PSMB7: variants seen among roughly 807,000 people sequenced by gnomAD.
PSMB7 encodes proteasome 20S subunit beta 7.
Under a neutral mutation model 28.1 loss-of-function variants are expected in PSMB7, and 5 were observed. The observed-to-expected ratio is 0.18, with a 90% CI of 0.09 to 0.37. PSMB7 has a LOEUF of 0.37. Ranked by LOEUF, PSMB7 falls within the 10% of genes least tolerant of loss-of-function variation. PSMB7 has a pLI of 1.00. For missense variants in PSMB7, 275 were observed against 346.2 expected, an observed-to-expected ratio of 0.79 and a Z score of 1.63; for synonymous variants, 122 against 123.7, an observed-to-expected ratio of 0.99 and a Z score of 0.09.
intron 6 of PSMB7, among the ~76,000 whole-genome samples, chr9:124,379,765 A>G (rs1214134185): frequency 6.6e-6 from 1 of 152,150 alleles, no homozygotes. Flanking sequence ...CTGTGCCCCA[A>G]TACTGCACGC....
chr9:124,363,283 G>A lies in PSMB7; in HGVS notation c.571-6368C>T, dbSNP rs537840537. 2.6e-4 allele frequency among the ~76,000 whole-genome samples: 40 copies of A among 152,350 alleles called. 4 individuals are homozygous for A. Among genetic ancestry groups the A allele is most frequent in the South Asian group, 2.5e-3 (12 of 4,828 alleles). On this transcript the variant is annotated intron_variant, in intron 6 of 7. Transcript: ENST00000259457. ...AGAGGAGGAGGTCTGAACACGATGTGTTTGTTGGGGGCCTGCTGACAGGCT... is the reference window on the plus strand; with the variant it reads ...AGAGGAGGAGGTCTGAACACGATGTATTTGTTGGGGGCCTGCTGACAGGCT...
intron 5 of PSMB7, among the ~76,000 whole-genome samples, chr9:124,403,480 T>C (rs1173389982): frequency 1.3e-5 from 2 of 152,200 alleles, no homozygotes; most frequent in Admixed American, 1.3e-4. Context: ...GAGCTGTGAT[T>C]GCACCACTGT....
At chr9:124,383,444 A>C (rs1830688815) in intron 6 of PSMB7, among the ~76,000 whole-genome samples, 1 of 152,192 alleles carries the variant, frequency 6.6e-6, no homozygotes, top group African/African-American at 2.4e-5. Flanking sequence ...TAGGTATCGC[A>C]GTTTCCAGCA....
In PSMB7 at chr9:124,356,431, G is replaced by T. The variant is rs1830407784; in HGVS notation, c.722+333C>A. The stretch of plus-strand genomic sequence containing the variant: ...AAGTGCTGGGGCTGCCCTGAAAAAT[G>T]CACCTTCTCCCAGAAATCAGGGGAT... On this transcript the variant is annotated intron_variant, in intron 7 of 7. Transcript: ENST00000259457. The surrounding 1 kb of genome is among the most constrained non-coding windows in gnomAD (Gnocchi z 4.4). 6.6e-6 allele frequency among the ~76,000 whole-genome samples: 1 copy of T among 152,142 alleles called. No homozygotes were observed. The highest frequency in any genetic ancestry group is 2.1e-4 in the South Asian group (1 of 4,822).
chr9:124,356,953 A>C lies in PSMB7; in HGVS notation c.571-38T>G. Reference sequence around the variant, plus strand: ...ACGGCGGCAATAATGTCCCCGGCCAAACTAGGGCCTGCTCTGACATCCGCA... The same window carrying C: ...ACGGCGGCAATAATGTCCCCGGCCACACTAGGGCCTGCTCTGACATCCGCA... On this transcript the variant is annotated intron_variant, in intron 6 of 7. Transcript: ENST00000259457. This position sits in a 1 kb window ranked among gnomAD's most constrained non-coding sequence, Gnocchi z 4.4. The C allele has an allele frequency of 6.2e-7, 1 of 1,612,248 alleles. No individual in the cohort carries two copies. The highest frequency in any genetic ancestry group is 8.5e-7 in the Non-Finnish European group (1 of 1,178,698).
At chr9:124,414,214 G>C (rs1239316959) in intron 2 of PSMB7, among the ~76,000 whole-genome samples, 1 of 152,192 alleles carries the variant, frequency 6.6e-6, no homozygotes, top group African/African-American at 2.4e-5. Context: ...TCCTGAGTAG[G>C]TAAGAATTAT....
intron 6 of PSMB7, among the ~76,000 whole-genome samples, chr9:124,369,154 A>G (rs1588570082): frequency 6.6e-6 from 1 of 152,364 alleles, no homozygotes; most frequent in East Asian, 1.9e-4. Flanking sequence ...TATTCACTGC[A>G]AATATTTTTA....
chr9:124,374,782 C>A (rs1299023309), intron 6 of PSMB7, among the ~76,000 whole-genome samples: 1 of 152,058 alleles, frequency 6.6e-6, no homozygotes, highest in East Asian at 1.9e-4. Context: ...TTTAAGTGTG[C>A]CACTGCACTC....
chr9:124,376,159 T>TA (rs1830607887), intron 6 of PSMB7, among the ~76,000 whole-genome samples: 1 of 151,752 alleles, frequency 6.6e-6, no homozygotes, highest in Non-Finnish European at 1.5e-5. Flanking sequence ...TTATTTTTTT[T>TA]ATTTTTGTTC....
chr9:124,399,152 G>A (rs1001758597), intron 5 of PSMB7, among the ~76,000 whole-genome samples: 29 of 152,178 alleles, frequency 1.9e-4, no homozygotes, highest in Admixed American at 3.3e-4. Context: ...AATGAACAGC[G>A]GCTAAGGTTT....
At chr9:124,364,866 G>A (rs532529831) in intron 6 of PSMB7, among the ~76,000 whole-genome samples, 4 of 152,296 alleles carry the variant, frequency 2.6e-5, no homozygotes, top group Admixed American at 2.0e-4. Context: ...GAGACCAGCA[G>A]AAGAGCCGCG....
intron 6 of PSMB7, among the ~76,000 whole-genome samples, chr9:124,382,199 TC>T (rs1270885295): frequency 0.02 from 1,756 of 87,032 alleles, 23 homozygotes; most frequent in Non-Finnish European, 0.033. Flanking sequence ...CTCTCTTTTC[TC>T]TTTTTTTTTT....
chr9:124,392,673 C>A (rs1830799463), intron 5 of PSMB7, among the ~76,000 whole-genome samples: 1 of 152,208 alleles, frequency 6.6e-6, no homozygotes, highest in Admixed American at 6.5e-5. Context: ...CAATCACTCT[C>A]AGCAAGTCCC....
chr9:124,413,779 G>C, intron 3 of PSMB7, 129 bp downstream of exon 3: 1 of 619,326 alleles, frequency 1.6e-6, no homozygotes, highest in Non-Finnish European at 2.8e-6. Flanking sequence ...CAGGTGGCTG[G>C]AAATGCCATT....
At position 124,367,423 on chromosome 9, in the gene PSMB7, C is replaced by A. The variant is rs540049457; in HGVS notation, c.571-10508G>T. ...CCCCCACTGCACCAGGAGGAGCTAA[C>A]GCAGATACTTCTCCATGAGACCTCC... On this transcript the variant is annotated intron_variant, in intron 6 of 7. Transcript: ENST00000259457. Among the ~76,000 whole-genome samples, 41 of 152,192 alleles carry A rather than the reference C, an allele frequency of 2.7e-4. 5 individuals carry two copies. Among genetic ancestry groups the A allele is most frequent in the South Asian group, 2.5e-3 (12 of 4,824 alleles).
chr9:124,376,688 A>C (rs1830612347), intron 6 of PSMB7, among the ~76,000 whole-genome samples: 1 of 152,230 alleles, frequency 6.6e-6, no homozygotes, highest in African/African-American at 2.4e-5. Flanking sequence ...GAAAGTGTTA[A>C]AGAATTAAAG....
intron 6 of PSMB7, among the ~76,000 whole-genome samples, chr9:124,366,709 A>G (rs1830511772): frequency 6.6e-6 from 1 of 152,252 alleles, no homozygotes; most frequent in Non-Finnish European, 1.5e-5. Flanking sequence ...ATTCATGGTA[A>G]GTGCCCTAGA....
chr9:124,364,279 A>G (rs910665921), intron 6 of PSMB7, among the ~76,000 whole-genome samples: 1 of 152,170 alleles, frequency 6.6e-6, no homozygotes, highest in African/African-American at 2.4e-5. Flanking sequence ...TGCATGCCAG[A>G]TTAGTGCCTG....
At chr9:124,408,477 G>A (rs761535566) in intron 4 of PSMB7, among the ~76,000 whole-genome samples, 8 of 152,032 alleles carry the variant, frequency 5.3e-5, no homozygotes, top group African/African-American at 1.9e-4. Flanking sequence ...GCCACAAAAC[G>A]GATACTATGA....
Sources: gnomAD v4.1 joint callset for allele counts (sites outside exome capture counted in the v4.1 genomes callset) on GRCh38, gnomAD v4.1.1 for gene constraint, Gnocchi (gnomAD v3.1) non-coding constraint, MANE v1.5 for transcripts, NCBI Gene and HGNC (gene_info 2026-07-23, HGNC 2026-07-21) for gene names.